Variants in PCDHA9 observed in about 807,000 individuals in gnomAD.
The protein encoded by PCDHA9 is protocadherin alpha 9.
In PCDHA9, 62 loss-of-function variants were observed where a neutral mutation model predicts 62.0. The ratio of observed to expected loss-of-function variants is 1.00; its 90% CI spans 0.81 to 1.23. The LOEUF is 1.23. Among genes scored for constraint, PCDHA9 ranks in the 50% most tolerant of loss-of-function variants. The pLI is 0.00. For synonymous variants in PCDHA9, 557 were observed against 567.6 expected (o/e 0.98, Z 0.27); for missense variants, 1,205 against 1,249.8 (o/e 0.96, Z 0.54).
rs2150424072 is a variant in PCDHA9 at position 140,848,906 on chromosome 5, A to G, written c.411A>G (p.Gln137=). ...ACCCTCCAGTGTTCCCAGCGACACA[A>G]AAGAATCTGTTCATCGCGGAATCCA... ...NDNPPVFPAT[Q]KNLFIAESRP... Residue 137 remains glutamine, a synonymous_variant, in exon 1 of 4, where the codon CAA becomes CAG. Transcript: ENST00000532602. 6.2e-7 allele frequency: 1 copy of G among 1,608,234 alleles called. No individual in the cohort carries two copies. The highest frequency in any genetic ancestry group is 1.4e-5 in the African/African-American group (1 of 73,952).
In PCDHA9 at chr5:140,850,435, T is replaced by G; in HGVS notation, c.1940T>G (p.Leu647Arg). Residue 647 changes from leucine to arginine, a missense_variant, in exon 1 of 4, where the codon CTA becomes CGA. Coordinates refer to ENST00000532602, the MANE Select transcript of PCDHA9 (RefSeq NM_031857.2). ...LDETDAPRQR[L>R]LVLVKDHGEP... ...GAAACGGACGCACCGCGCCAGCGCC[T>G]ACTGGTGCTGGTGAAAGACCACGGG... 1.3e-6 allele frequency: 2 copies of G among 1,597,644 alleles called. No individual in the cohort carries two copies. The highest frequency in any genetic ancestry group is 1.7e-4 in the Middle Eastern group (1 of 5,994).
chr5:140,905,154 A>C (rs2071632233), intron 1 of PCDHA9, among the ~76,000 whole-genome samples: 1 of 152,040 alleles, frequency 6.6e-6, no homozygotes, highest in Admixed American at 6.6e-5. Context: ...ATATTTTAGA[A>C]TTTTCATGGT....
At chr5:140,853,861 T>C in intron 1 of PCDHA9, 1 of 984,790 alleles carries the variant, frequency 1.0e-6, no homozygotes, top group Non-Finnish European at 1.2e-6. Flanking sequence ...TATTTGATAC[T>C]TGACAGTGCA....
chr5:140,916,202 C>A lies in PCDHA9; in HGVS notation c.2395-62747C>A, dbSNP rs185433174. 8.0e-3 allele frequency among the ~76,000 whole-genome samples: 1,218 copies of A among 152,262 alleles called. 6 individuals carry two copies. Among genetic ancestry groups the A allele is most frequent in the African/African-American group, 0.019 (787 of 41,550 alleles). The stretch of plus-strand genomic sequence containing the variant: ...TTCAAGGAAGTGGGCACCCCTCTGC[C>A]CTGGGGAAGATCCAAATATGCTTTC... On this transcript the variant is annotated intron_variant, in intron 1 of 3. Coordinates refer to ENST00000532602, the MANE Select transcript of PCDHA9 (RefSeq NM_031857.2).
In PCDHA9 at chr5:140,882,301, G is replaced by A. The variant is rs145574763; in HGVS notation, c.2394+31412G>A. 188 of 1,613,800 alleles carry A rather than the reference G, an allele frequency of 1.2e-4. No homozygotes were observed. In the African/African-American group the frequency reaches 2.1e-3, roughly 18 times the overall value. Reference sequence around the variant, plus strand: ...CTTCCTGGCAAGGAGGCCCAAGACCGCGGCAACTACTGCTCTGGCTTCTGA... The same window carrying A: ...CTTCCTGGCAAGGAGGCCCAAGACCACGGCAACTACTGCTCTGGCTTCTGA... On this transcript the variant is annotated intron_variant, in intron 1 of 3. Coordinates refer to ENST00000532602, the MANE Select transcript of PCDHA9 (RefSeq NM_031857.2).
intron 2 of PCDHA9, among the ~76,000 whole-genome samples, chr5:140,981,605 C>CT (rs1444386694): frequency 1.1e-4 from 17 of 152,174 alleles, no homozygotes; most frequent in African/African-American, 2.9e-4. Context: ...AAATGTTCCT[C>CT]TAATTTTGAT....
At chr5:140,943,257 CAA>C (rs1238620023) in intron 1 of PCDHA9, among the ~76,000 whole-genome samples, 5 of 77,564 alleles carry the variant, frequency 6.4e-5, no homozygotes, top group Non-Finnish European at 2.5e-5. Flanking sequence ...GACTCTGTCT[CAA>C]AAAAAAAAAA....
intron 1 of PCDHA9, chr5:140,966,941 G>C (rs1554228938): frequency 1.9e-6 from 3 of 1,604,498 alleles, no homozygotes; most frequent in Non-Finnish European, 2.5e-6. Context: ...CGCGCTCGTG[G>C]GCAACGTGGC....
At chr5:140,878,575 C>T (rs1339417321) in intron 1 of PCDHA9, among the ~76,000 whole-genome samples, 1 of 152,222 alleles carries the variant, frequency 6.6e-6, no homozygotes, top group African/African-American at 2.4e-5. Context: ...TAGTATACCA[C>T]TGCCCTGTGC....
chr5:140,856,923 T>A (rs1178891192), intron 1 of PCDHA9: 1 of 1,595,300 alleles, frequency 6.3e-7, no homozygotes, highest in Non-Finnish European at 8.6e-7. Flanking sequence ...AGAAGGAAAT[T>A]TTGGATAAAC....
intron 3 of PCDHA9, among the ~76,000 whole-genome samples, chr5:140,993,154 A>T (rs2097543247): frequency 6.6e-6 from 1 of 152,220 alleles, no homozygotes; most frequent in Admixed American, 6.5e-5. Flanking sequence ...AATGGATTCT[A>T]AATATTTGCC....
chr5:140,898,644 T>C (rs2066890005), intron 1 of PCDHA9, among the ~76,000 whole-genome samples: 2 of 152,226 alleles, frequency 1.3e-5, no homozygotes, highest in Admixed American at 1.3e-4. Context: ...GCTTTGTTCT[T>C]TTGGCTTAGG....
intron 1 of PCDHA9, among the ~76,000 whole-genome samples, chr5:140,898,095 T>C (rs1196262591): frequency 7.9e-5 from 12 of 152,170 alleles, no homozygotes; most frequent in Non-Finnish European, 1.6e-4. Flanking sequence ...ATTAGCCCTT[T>C]GTCAGATGAG....
intron 1 of PCDHA9, among the ~76,000 whole-genome samples, chr5:140,887,221 C>T (rs149306651): frequency 9.2e-5 from 14 of 151,858 alleles, no homozygotes; most frequent in Non-Finnish European, 1.3e-4. Flanking sequence ...CTCAGCCTCC[C>T]GAGTAGCTGA....
intron 1 of PCDHA9, chr5:140,967,899 C>G: frequency 6.2e-7 from 1 of 1,614,180 alleles, no homozygotes; most frequent in African/African-American, 1.3e-5. Flanking sequence ...CCTGAGAATG[C>G]TACACCCAAC....
chr5:140,860,129 G>GTGTGTATATATATGTATATA (rs1554153065), intron 1 of PCDHA9: 1 of 150,592 alleles, frequency 6.6e-6, no homozygotes, highest in Non-Finnish European at 1.5e-5. Context: ...TACTGTGTGT[G>GTGTGTATATATATGTATATA]TGTGTATATA....
At chr5:140,961,248 G>A (rs144956279) in intron 1 of PCDHA9, among the ~76,000 whole-genome samples, 129 of 152,276 alleles carry the variant, frequency 8.5e-4, no homozygotes, top group African/African-American at 1.8e-3. Flanking sequence ...GAATTTATCC[G>A]AAGCTCCAGG....
chr5:140,990,155 G>A (rs1483856647), intron 3 of PCDHA9, among the ~76,000 whole-genome samples: 2 of 152,076 alleles, frequency 1.3e-5, no homozygotes, highest in Admixed American at 6.5e-5. Context: ...ATAATAGAAA[G>A]TTAGGGTATG....
intron 1 of PCDHA9, among the ~76,000 whole-genome samples, chr5:140,910,641 C>G (rs1270893523): frequency 6.6e-6 from 1 of 152,206 alleles, no homozygotes; most frequent in Non-Finnish European, 1.5e-5. Context: ...CTCCCTAAAC[C>G]TTTTGATCCC....
Sources: allele counts gnomAD v4.1 joint callset (sites outside exome capture counted in the v4.1 genomes callset), GRCh38; gene constraint gnomAD v4.1.1; transcripts MANE v1.5; gene names NCBI Gene and HGNC (gene_info 2026-07-23, HGNC 2026-07-21).